The following VPS13A variants were observed in gnomAD, a reference collection of about 807,000 sequenced individuals.
VPS13A encodes intermembrane lipid transfer protein VPS13A.
Under a neutral mutation model 390.9 loss-of-function variants are expected in VPS13A, and 264 were observed. The observed-to-expected ratio is 0.68, with a 90% CI of 0.61 to 0.75. VPS13A has a LOEUF of 0.75. Ranked by LOEUF, VPS13A falls within the 30% of genes least tolerant of loss-of-function variation. The probability of loss-of-function intolerance (pLI) is 0.00; values close to 1 mark genes in which losing one functional copy is unlikely to be tolerated. For missense variants in VPS13A, 3,409 were observed against 3,733.9 expected (o/e 0.91, Z 2.27); for synonymous variants, 1,231 against 1,227.1 (o/e 1.00, Z -0.07).
chr9:77,194,806 C>T (rs896036280), intron 1 of VPS13A, among the ~76,000 whole-genome samples: 1 of 152,006 alleles, frequency 6.6e-6, no homozygotes, highest in South Asian at 2.1e-4. Flanking sequence ...ACTCTCAGTG[C>T]CTTCCTTCCA....
chr9:77,310,852 T>C (rs1829032595), intron 35 of VPS13A, among the ~76,000 whole-genome samples: 1 of 152,136 alleles, frequency 6.6e-6, no homozygotes, highest in Non-Finnish European at 1.5e-5. Flanking sequence ...CGTTTTCTTC[T>C]GGAAATTTTT....
intron 68 of VPS13A, among the ~76,000 whole-genome samples, chr9:77,399,099 A>G (rs1174753211): frequency 7.1e-6 from 1 of 141,322 alleles, no homozygotes; most frequent in Non-Finnish European, 1.5e-5. Context: ...GCGCACCAGC[A>G]TGGCACATGT....
chr9:77,184,462 T>C (rs1824208277), intron 1 of VPS13A, among the ~76,000 whole-genome samples: 1 of 151,956 alleles, frequency 6.6e-6, no homozygotes, highest in Admixed American at 6.6e-5. Flanking sequence ...CTACTAAAAA[T>C]ACAAAAATTA....
At chr9:77,307,785 G>A (rs1828847484) in intron 34 of VPS13A, among the ~76,000 whole-genome samples, 160 bp from the exon 35 acceptor site, 1 of 152,114 alleles carries the variant, frequency 6.6e-6, no homozygotes, top group African/African-American at 2.4e-5. Flanking sequence ...AGAGCACATG[G>A]TCATTTAGAA....
At chr9:77,410,103 G>T (rs536489411) in intron 71 of VPS13A, among the ~76,000 whole-genome samples, 77 of 152,332 alleles carry the variant, frequency 5.1e-4, no homozygotes, top group African/African-American at 1.8e-3. Flanking sequence ...TCTCTCAGCA[G>T]AAACTCTACA....
intron 31 of VPS13A, among the ~76,000 whole-genome samples, chr9:77,289,530 G>A (rs950084262): frequency 2.0e-5 from 3 of 151,876 alleles, no homozygotes; most frequent in Non-Finnish European, 4.4e-5. Context: ...TGTACATATA[G>A]TGTAAGAATC....
chr9:77,269,091 T>C (rs995532160), intron 23 of VPS13A, among the ~76,000 whole-genome samples: 3 of 152,226 alleles, frequency 2.0e-5, no homozygotes, highest in Admixed American at 2.0e-4. Flanking sequence ...CAATTGACTT[T>C]AGCAATATTT....
intron 57 of VPS13A, among the ~76,000 whole-genome samples, chr9:77,358,998 G>A (rs1831976616): frequency 6.6e-6 from 1 of 152,006 alleles, no homozygotes; most frequent in South Asian, 2.1e-4. Context: ...TCGCTCAGAA[G>A]CTTTTTGGCC....
chr9:77,413,019 A>C (rs917081629), intron 71 of VPS13A, among the ~76,000 whole-genome samples: 45 of 152,292 alleles, frequency 3.0e-4, no homozygotes, highest in South Asian at 1.0e-3. Flanking sequence ...AACAAAATAC[A>C]TAGGAATCCA....
intron 62 of VPS13A, among the ~76,000 whole-genome samples, chr9:77,369,020 G>C (rs1462459465): frequency 2.0e-5 from 3 of 152,116 alleles, no homozygotes; most frequent in Non-Finnish European, 4.4e-5. Context: ...TGTAGTCCCA[G>C]CTTGGGAGGA....
At position 77,209,457 on chromosome 9, in the gene VPS13A, A is replaced by C. The variant is rs1382553663; in HGVS notation, c.420A>C (p.Ala140=). The change falls in exon 6 of 72, where the codon GCA becomes GCC. Residue 140 remains alanine, a synonymous_variant. Transcript: ENST00000360280. ...QHLPEKQDTF[A]EKLVTQIIKN... ...TGCCGGAAAAACAGGACACTTTTGC[A>C]GAAAAATTAGTTACACAGATCATAA... 13 of 1,612,840 alleles carry C rather than the reference A, an allele frequency of 8.1e-6. No homozygotes were observed. The highest frequency in any genetic ancestry group is 1.3e-5 in the African/African-American group (1 of 74,918).
At chr9:77,318,205 G>A (rs761726112) in intron 40 of VPS13A, 30 bp from the exon 41 acceptor site, 28 of 1,357,012 alleles carry the variant, frequency 2.1e-5, no homozygotes, top group Non-Finnish European at 2.8e-5. Context: ...AAAGTGTTTT[G>A]TATAGACTTA....
At chr9:77,210,487 T>C in intron 6 of VPS13A, 129 bp from the exon 7 acceptor site, 1 of 835,576 alleles carries the variant, frequency 1.2e-6, no homozygotes. Context: ...CAAGCAGTCC[T>C]CCTGCCTTGG....
chr9:77,377,201 C>CTT (rs1472652165), intron 67 of VPS13A, among the ~76,000 whole-genome samples: 3 of 108,268 alleles, frequency 2.8e-5, no homozygotes, highest in Non-Finnish European at 5.7e-5. Flanking sequence ...ATTTTTGATG[C>CTT]TGTTTTTTTT....
chr9:77,395,521 G>A (rs772010144), intron 68 of VPS13A, among the ~76,000 whole-genome samples: 1 of 152,162 alleles, frequency 6.6e-6, no homozygotes, highest in Non-Finnish European at 1.5e-5. Flanking sequence ...TTAGAGACAC[G>A]AAATGAGCAT....
intron 71 of VPS13A, among the ~76,000 whole-genome samples, chr9:77,409,137 C>A (rs1834778579): frequency 6.6e-6 from 1 of 152,218 alleles, no homozygotes; most frequent in Admixed American, 6.5e-5. Flanking sequence ...CTGCTGTTCA[C>A]CAATATCTGC....
intron 71 of VPS13A, among the ~76,000 whole-genome samples, chr9:77,411,743 T>C (rs1271310876): frequency 4.5e-5 from 6 of 133,204 alleles, no homozygotes; most frequent in Non-Finnish European, 9.5e-5. Context: ...AAGAAATGAC[T>C]AAGATCAGAG....
chr9:77,347,190 A>C (rs538649006), intron 52 of VPS13A, among the ~76,000 whole-genome samples: 61 of 152,146 alleles, frequency 4.0e-4, no homozygotes, highest in Middle Eastern at 3.4e-3. Flanking sequence ...GTTCCATATA[A>C]ATTTCAGGAT....
At chr9:77,413,776 CA>C in intron 71 of VPS13A, among the ~76,000 whole-genome samples, 1 of 152,194 alleles carries the variant, frequency 6.6e-6, no homozygotes, top group Non-Finnish European at 1.5e-5. Context: ...TTCTGCACAG[CA>C]AAAGAAGCTA....
Sources: gnomAD v4.1 joint callset for allele counts (sites outside exome capture counted in the v4.1 genomes callset) on GRCh38, gnomAD v4.1.1 for gene constraint, MANE v1.5 for transcripts, NCBI Gene and HGNC (gene_info 2026-07-23, HGNC 2026-07-21) for gene names.